The following EIPR1 variants were observed in gnomAD, a reference collection of about 807,000 sequenced individuals.
EIPR1 encodes the protein EARP and GARP complex-interacting protein 1.
A neutral mutation model predicts 48.1 loss-of-function variants in EIPR1; 25 were observed. The observed-to-expected ratio is 0.52, with a 90% CI of 0.38 to 0.73. EIPR1 has a LOEUF of 0.73. Ranked by LOEUF, EIPR1 falls within the 30% of genes least tolerant of loss-of-function variation. The pLI is 0.00. For synonymous variants in EIPR1, 204 were observed against 201.9 expected, an observed-to-expected ratio of 1.01 and a Z score of -0.09; for missense variants, 415 against 506.2, an observed-to-expected ratio of 0.82 and a Z score of 1.73.
chr2:3,311,254 C>T (rs1023562926), intron 3 of EIPR1, among the ~76,000 whole-genome samples: 10 of 152,264 alleles, frequency 6.6e-5, no homozygotes, highest in African/African-American at 2.4e-4. Context: ...TTTTCTTCTC[C>T]TTGGTCCTGT....
chr2:3,264,757 G>A (rs892079852), intron 3 of EIPR1, among the ~76,000 whole-genome samples: 6 of 152,138 alleles, frequency 3.9e-5, no homozygotes, highest in Non-Finnish European at 8.8e-5. Flanking sequence ...TGACCATCTC[G>A]GCTCACTGCA....
chr2:3,275,378 A>T (rs1408523759), intron 3 of EIPR1, among the ~76,000 whole-genome samples: 1 of 151,014 alleles, frequency 6.6e-6, no homozygotes. Flanking sequence ...AAACACATAA[A>T]GCAAAAATTG....
intron 5 of EIPR1, chr2:3,208,591 T>C: frequency 6.4e-7 from 1 of 1,550,668 alleles, no homozygotes. Flanking sequence ...CTCTCCAAAG[T>C]GAGCTCACTG....
At chr2:3,370,366 C>T (rs1671083597) in intron 1 of EIPR1, among the ~76,000 whole-genome samples, 1 of 152,188 alleles carries the variant, frequency 6.6e-6, no homozygotes, top group African/African-American at 2.4e-5. Context: ...CCCTCACCAG[C>T]AACGGAACAA....
chr2:3,218,173 C>T (rs1665708469), intron 4 of EIPR1, among the ~76,000 whole-genome samples: 1 of 150,900 alleles, frequency 6.6e-6, no homozygotes, highest in Non-Finnish European at 1.5e-5. Flanking sequence ...GTCAGGTGGA[C>T]ACCCAACACG....
chr2:3,324,623 C>T (rs1397127079), intron 3 of EIPR1, among the ~76,000 whole-genome samples: 1 of 152,272 alleles, frequency 6.6e-6, no homozygotes, highest in Admixed American at 6.5e-5. Flanking sequence ...CCCAGGGCAC[C>T]ACTTGTTTGT....
chr2:3,226,100 T>C (rs1260190322), intron 4 of EIPR1, among the ~76,000 whole-genome samples: 1 of 152,256 alleles, frequency 6.6e-6, no homozygotes, highest in African/African-American at 2.4e-5. Context: ...GCCTTTGACA[T>C]GGAGGTGCAG....
intron 3 of EIPR1, 61 bp downstream of exon 3, chr2:3,337,956 G>C: frequency 2.6e-6 from 4 of 1,538,814 alleles, no homozygotes; most frequent in Non-Finnish European, 3.5e-6. Context: ...TACAAAACCC[G>C]TCTTAGGAAA....
chr2:3,260,884 G>A (rs189245962), intron 3 of EIPR1, among the ~76,000 whole-genome samples: 5 of 152,278 alleles, frequency 3.3e-5, no homozygotes, highest in South Asian at 2.1e-4. Context: ...GCAAGTATTG[G>A]CAAAGATGTA....
intron 4 of EIPR1, among the ~76,000 whole-genome samples, chr2:3,251,615 A>G (rs1300101643): frequency 6.6e-6 from 1 of 152,140 alleles, no homozygotes; most frequent in African/African-American, 2.4e-5. Context: ...CATCTCTCCC[A>G]CAAGTCACTA....
intron 4 of EIPR1, among the ~76,000 whole-genome samples, chr2:3,229,393 G>A (rs937622518): frequency 3.3e-5 from 5 of 152,104 alleles, no homozygotes; most frequent in Admixed American, 6.5e-5. Context: ...GTCTTTCCAG[G>A]GCAATAACAC....
intron 3 of EIPR1, among the ~76,000 whole-genome samples, chr2:3,298,709 C>G (rs547812240): frequency 6.6e-6 from 1 of 152,162 alleles, no homozygotes; most frequent in East Asian, 1.9e-4. Context: ...GGATTGACAG[C>G]AGCCAAAGAG....
chr2:3,296,426 A>AC (rs1668598937), intron 3 of EIPR1, among the ~76,000 whole-genome samples: 1 of 24,980 alleles, frequency 4.0e-5, no homozygotes, highest in Non-Finnish European at 7.7e-5. Flanking sequence ...CCCCTCTGCA[A>AC]ACACACACCC....
At chr2:3,309,361 C>T (rs1669050505) in intron 3 of EIPR1, among the ~76,000 whole-genome samples, 1 of 152,140 alleles carries the variant, frequency 6.6e-6, no homozygotes, top group African/African-American at 2.4e-5. Context: ...TATTCAAAAA[C>T]ACTGTAACTA....
At chr2:3,222,376 C>A (rs540472823) in intron 4 of EIPR1, among the ~76,000 whole-genome samples, 8 of 152,308 alleles carry the variant, frequency 5.3e-5, no homozygotes, top group African/African-American at 1.9e-4. Context: ...TGAAAAAGCT[C>A]ATATTTCTCA....
chr2:3,323,487 G>A (rs765220220), intron 3 of EIPR1, among the ~76,000 whole-genome samples: 12 of 152,184 alleles, frequency 7.9e-5, no homozygotes, highest in African/African-American at 2.4e-4. Flanking sequence ...AGCCCTGCAC[G>A]CGACAAGGTC....
Position 3,298,305 on chromosome 2 carries a change from T to C in EIPR1, c.259+39712A>G, listed in dbSNP as rs181011722. 1.1e-3 allele frequency: 174 copies of C among 152,236 alleles called. 1 individual carries two copies. The highest frequency in any genetic ancestry group is 3.6e-3 in the African/African-American group (149 of 41,542). The allele number at this position is 152,236 out of a possible 1,614,324, so 9.4% of individuals were successfully genotyped here. A position where few individuals can be genotyped will look rare whatever the true frequency, so the allele number is the denominator to read the frequency against. ...GTTCCTTGTCACTTGTGAAAATGGG[T>C]TCGGTAGCTTTAAAACAAGATTTGA... On this transcript the variant is annotated intron_variant, in intron 3 of 8. Transcript: ENST00000382125.
At chr2:3,292,214 C>A (rs543958858) in intron 3 of EIPR1, among the ~76,000 whole-genome samples, 2 of 152,242 alleles carry the variant, frequency 1.3e-5, no homozygotes, top group African/African-American at 4.8e-5. Flanking sequence ...CAGGTGACTG[C>A]GCGGCCAGAC....
chr2:3,343,827 G>A (rs1670324293), intron 2 of EIPR1, among the ~76,000 whole-genome samples: 1 of 152,116 alleles, frequency 6.6e-6, no homozygotes, highest in East Asian at 1.9e-4. Flanking sequence ...CCAGGCTGCT[G>A]AGTACAGAGC....
Sources: allele counts gnomAD v4.1 joint callset (sites outside exome capture counted in the v4.1 genomes callset), GRCh38; gene constraint gnomAD v4.1.1; transcripts MANE v1.5; gene names NCBI Gene and HGNC (gene_info 2026-07-23, HGNC 2026-07-21).